ANO1: variants seen among roughly 807,000 people sequenced by gnomAD.
ANO1 encodes anoctamin-1.
A neutral mutation model predicts 124.0 loss-of-function variants in ANO1; 59 were observed. The ratio of observed to expected loss-of-function variants is 0.48; its 90% CI spans 0.39 to 0.59. ANO1 has a LOEUF of 0.59. Ranked by LOEUF, ANO1 falls within the 20% of genes least tolerant of loss-of-function variation. ANO1 has a pLI of 0.00. For missense variants in ANO1, 1,059 were observed against 1,328.0 expected (o/e 0.80, Z 3.15); for synonymous variants, 529 against 532.0 (o/e 0.99, Z 0.08).
chr11:70,057,124 C>T (rs541983988), intron 1 of ANO1, among the ~76,000 whole-genome samples: 84 of 152,236 alleles, frequency 5.5e-4, no homozygotes, highest in Admixed American at 1.5e-3. Context: ...GCTTGTTTTA[C>T]TTTGTTTTGT....
intron 5 of ANO1, among the ~76,000 whole-genome samples, chr11:70,107,574 T>C (rs1161240854): frequency 1.4e-5 from 2 of 147,530 alleles, no homozygotes; most frequent in Non-Finnish European, 3.0e-5. Context: ...GGAGGCAGAA[T>C]TGGCATGCTC....
chr11:70,088,081 G>A lies in ANO1; in HGVS notation c.438G>A (p.Glu146=). ...LEAGLELERD[E]DTKIHGVGFV... is the part of the protein sequence containing the mutation. ...CGGGCCTGGAGCTGGAGCGGGACGA[G>A]GACGTAACTATCTCACTGCGCGCTG... The change falls in exon 2 of 26, where the codon GAG becomes GAA. Residue 146 remains glutamate (E), a synonymous_variant. Coordinates refer to ENST00000355303, the MANE Select transcript of ANO1 (RefSeq NM_018043.7). The A allele has an allele frequency of 8.7e-7, 1 of 1,149,598 alleles. No homozygotes were observed. Among genetic ancestry groups the A allele is most frequent in the South Asian group, 2.2e-5 (1 of 46,300 alleles). The allele number at this position is 1,149,598 out of a possible 1,614,324, so 71.2% of individuals were successfully genotyped here.
intron 2 of ANO1, among the ~76,000 whole-genome samples, chr11:70,101,854 G>A (rs2045291047): frequency 6.6e-6 from 1 of 152,148 alleles, no homozygotes; most frequent in South Asian, 2.1e-4. Context: ...AGACGTGGAT[G>A]GGACCTCAGT....
chr11:70,087,956 G>A lies in ANO1; in HGVS notation c.313G>A (p.Gly105Arg). ...GCAGGACCACCCCCTGCCGGGCAAG[G>A]GGGCGTCGCTGGATGCAGGCTCGGG... ...VKQDHPLPGK[G>R]ASLDAGSGEP... The change falls in exon 2 of 26, where the codon GGG (glycine) becomes AGG (arginine). Residue 105 changes from glycine (G) to arginine (R), a missense_variant. Around this residue, in one of 2 missense-constraint regions of ANO1, gnomAD observed 250 missense variants for 233.1 expected, o/e 1.07. Transcript: ENST00000355303. 6.3e-7 allele frequency: 1 copy of A among 1,596,022 alleles called. No homozygotes were observed. The highest frequency in any genetic ancestry group is 2.3e-5 in the East Asian group (1 of 44,116).
intron 2 of ANO1, among the ~76,000 whole-genome samples, chr11:70,093,257 A>C (rs1256513419): frequency 2.1e-3 from 176 of 83,148 alleles, no homozygotes; most frequent in Admixed American, 4.1e-3. Flanking sequence ...ACCCCCTCTC[A>C]CTTTCTCTCT....
At chr11:70,039,364 A>G (rs1857145575) in intron 1 of ANO1, among the ~76,000 whole-genome samples, 1 of 152,218 alleles carries the variant, frequency 6.6e-6, no homozygotes, top group South Asian at 2.1e-4. Context: ...GCTCAGATGA[A>G]GACCAGGTAT....
intron 1 of ANO1, among the ~76,000 whole-genome samples, chr11:69,994,050 C>A (rs1422115166): frequency 6.6e-6 from 1 of 151,862 alleles, no homozygotes; most frequent in East Asian, 2.0e-4. Context: ...TTCCAAAAGG[C>A]AGGTCCAGGC....
intron 1 of ANO1, chr11:70,056,415 C>A (rs534896814): frequency 7.9e-5 from 12 of 151,968 alleles, no homozygotes; most frequent in Non-Finnish European, 1.8e-4. Flanking sequence ...AAATAGATGT[C>A]TTTTTCCTCT....
chr11:70,003,599 A>ATGGATGGGTGGGTGGG lies in ANO1; in HGVS notation c.58+17440_58+17441insGTGGGTGGGTGGATGG, dbSNP rs782370348. On this transcript the variant is annotated intron_variant, in intron 1 of 27. Coordinates refer to the ANO1 transcript ENST00000531349. ...AAATTGTTGGTGGATGGATGGGTGG[A>ATGGATGGGTGGGTGGG]TGGATGGATGGATGGATGGATGGAT... Among the ~76,000 whole-genome samples the ATGGATGGGTGGGTGGG allele has an allele frequency of 4.7e-3, 200 of 42,220 alleles. 4 individuals carry two copies. The highest frequency in any genetic ancestry group is 0.023 in the East Asian group (75 of 3,240). The allele number at this position is 42,220 out of a possible 152,430, so 27.7% of individuals were successfully genotyped here.
chr11:70,118,381 A>C (rs1463652637), intron 8 of ANO1, among the ~76,000 whole-genome samples: 1 of 152,148 alleles, frequency 6.6e-6, no homozygotes, highest in Admixed American at 6.5e-5. Flanking sequence ...GTCCAGGCCC[A>C]GCTGTTTACT....
intron 21 of ANO1, among the ~76,000 whole-genome samples, chr11:70,169,075 CCCTG>C (rs1292952407): frequency 6.6e-6 from 1 of 152,184 alleles, no homozygotes; most frequent in Non-Finnish European, 1.5e-5. Context: ...AGGTGGCTTC[CCCTG>C]CCTGCAGGGT....
chr11:70,176,563 G>C (rs1480730259), intron 22 of ANO1, among the ~76,000 whole-genome samples: 2 of 152,172 alleles, frequency 1.3e-5, no homozygotes, highest in African/African-American at 4.8e-5. Context: ...AAGCCTCCCG[G>C]TAACAGGCTT....
chr11:69,983,450 G>A (rs920373774), upstream of ANO1, among the ~76,000 whole-genome samples: 7 of 152,080 alleles, frequency 4.6e-5, no homozygotes, highest in South Asian at 2.1e-4. Context: ...CCACCTCCCC[G>A]AGCCAGTGCA....
chr11:69,967,370 G>A, the ANO1 span, among the ~76,000 whole-genome samples: 4 of 152,238 alleles, frequency 2.6e-5, no homozygotes, highest in Non-Finnish European at 4.4e-5. Flanking sequence ...GGCTCTGAGC[G>A]TAGCCTTCAG....
upstream of ANO1, among the ~76,000 whole-genome samples, chr11:70,073,940 C>T (rs1239598580): frequency 6.7e-6 from 1 of 149,730 alleles, no homozygotes; most frequent in African/African-American, 2.5e-5. Flanking sequence ...CGTCAAGCTG[C>T]GGTTGGCCGG....
At position 70,172,977 on chromosome 11, in the gene ANO1, G is replaced by A. The variant is rs547218705; in HGVS notation, c.2350+1938G>A. ...CCTTCAGATCATCTCACCCCAGTAC[G>A]TGTTTTCTCCTTAAGTTGTTAGCGG... On this transcript the variant is annotated intron_variant, in intron 22 of 25. Transcript: ENST00000355303. 3.8e-4 allele frequency among the ~76,000 whole-genome samples: 58 copies of A among 152,186 alleles called. No homozygotes were observed. In the South Asian group the frequency reaches 4.2e-3, roughly 11 times the overall value.
intron 11 of ANO1, 70 bp downstream of exon 11, chr11:70,132,149 T>C (rs1317481420): frequency 6.7e-7 from 1 of 1,491,294 alleles, no homozygotes; most frequent in Non-Finnish European, 9.0e-7. Context: ...GCTGCTTCTG[T>C]CTGTCTTTGC....
rs539462616 is a variant in ANO1, at chr11:70,025,352, AATG to A, written c.58+39190_58+39192del. Among the ~76,000 whole-genome samples the A allele has an allele frequency of 5.3e-5, 8 of 152,236 alleles. No homozygotes were observed. In the East Asian group the frequency reaches 1.2e-3, roughly 22 times the overall value. On this transcript the variant is annotated intron_variant, in intron 1 of 27. Coordinates refer to the ANO1 transcript ENST00000531349. ...TGTCTGCTGCAATCATGATCATGATAATGATGGTGGTGGTGGTGATTGTGATGA... is the reference window on the plus strand; with the variant it reads ...TGTCTGCTGCAATCATGATCATGATAATGGTGGTGGTGGTGATTGTGATGA...
chr11:69,988,917 G>A (rs1406843823), intron 1 of ANO1, among the ~76,000 whole-genome samples: 3 of 151,216 alleles, frequency 2.0e-5, no homozygotes, highest in Non-Finnish European at 4.4e-5. Context: ...GAGGGAATGA[G>A]GAAGGAAGGA....
Sources: allele counts gnomAD v4.1 joint callset (sites outside exome capture counted in the v4.1 genomes callset), GRCh38; gene constraint gnomAD v4.1.1; regional missense constraint gnomAD v4.1.1; transcripts MANE v1.5; gene names NCBI Gene and HGNC (gene_info 2026-07-23, HGNC 2026-07-21).